TDRD5: variants seen among roughly 807,000 people sequenced by gnomAD.
The protein encoded by TDRD5 is tudor domain-containing protein 5.
TDRD5 carries 41 observed loss-of-function variants against 120.6 expected under a neutral mutation model. The ratio of observed to expected loss-of-function variants is 0.34; its 90% CI spans 0.26 to 0.44. The LOEUF is 0.44. TDRD5 is among the 20% of genes least tolerant of loss of function. The pLI is 1.00. For synonymous variants in TDRD5, 430 were observed against 433.7 expected, an observed-to-expected ratio of 0.99 and a Z score of 0.11; for missense variants, 1,006 against 1,221.2, an observed-to-expected ratio of 0.82 and a Z score of 2.63.
intron 17 of TDRD5, among the ~76,000 whole-genome samples, chr1:179,674,540 A>G (rs1232074125): frequency 6.6e-6 from 1 of 152,124 alleles, no homozygotes; most frequent in Non-Finnish European, 1.5e-5. Flanking sequence ...TTTTGGTATT[A>G]GGGTGATACT....
intron 4 of TDRD5, among the ~76,000 whole-genome samples, chr1:179,607,611 A>G (rs1209919388): frequency 6.6e-6 from 1 of 151,924 alleles, no homozygotes; most frequent in Non-Finnish European, 1.5e-5. Flanking sequence ...AACTTATCAC[A>G]ATTGACCTGC....
rs779603364 is a variant in TDRD5 at position 179,669,396 on chromosome 1, C to G, written c.2852C>G (p.Ser951Cys). 1 of 1,613,890 alleles carries G rather than the reference C, an allele frequency of 6.2e-7. No homozygotes were observed. Among genetic ancestry groups the G allele is most frequent in the African/African-American group, 1.3e-5 (1 of 74,930 alleles). Residue 951 changes from serine to cysteine, a missense_variant, in exon 17 of 18, where the codon TCT (serine) becomes TGT (cysteine). By Grantham distance (112) the Ser-to-Cys change is moderately radical. Transcript: ENST00000444136. ...GTGGATGATTCCGCAGAAAAGCCCT[C>G]TGGTTCTGGTATGTTTGTGTGTACT... Reference protein sequence around the residue: ...TAVDDSAEKPSGSVESSPEIL... With the variant: ...TAVDDSAEKPCGSVESSPEIL...
At position 179,669,382 on chromosome 1, in the gene TDRD5, C is replaced by G. The variant is rs780844485; in HGVS notation, c.2838C>G (p.Ser946=). The G allele has an allele frequency of 6.2e-7, 1 of 1,614,098 alleles. No homozygotes were observed. Among genetic ancestry groups the G allele is most frequent in the East Asian group, 2.2e-5 (1 of 44,866 alleles). Residue 946 remains serine, a synonymous_variant, in exon 17 of 18, where the codon TCC becomes TCG. Coordinates refer to ENST00000444136, the MANE Select transcript of TDRD5 (RefSeq NM_001199085.3). ...APCSTTAVDD[S]AEKPSGSVES... ...GTTCAACAACTGCAGTGGATGATTC[C>G]GCAGAAAAGCCCTCTGGTTCTGGTA...
At chr1:179,644,685 T>C (rs1269479252) in intron 11 of TDRD5, among the ~76,000 whole-genome samples, 1 of 152,158 alleles carries the variant, frequency 6.6e-6, no homozygotes, top group Admixed American at 6.5e-5. Context: ...TGTTGACATC[T>C]GTAGTGATAT....
intron 11 of TDRD5, among the ~76,000 whole-genome samples, chr1:179,641,268 G>A (rs758375030): frequency 2.0e-5 from 3 of 151,848 alleles, no homozygotes; most frequent in Non-Finnish European, 4.4e-5. Context: ...AAAAACTAAC[G>A]CCTGTAATCC....
intron 9 of TDRD5, among the ~76,000 whole-genome samples, chr1:179,636,411 C>CTG (rs1319013238): frequency 2.6e-5 from 4 of 152,206 alleles, no homozygotes; most frequent in African/African-American, 7.2e-5. Context: ...ATCCACTGGT[C>CTG]TGCCTCTACA....
At chr1:179,641,482 A>T (rs1278692532) in intron 11 of TDRD5, among the ~76,000 whole-genome samples, 3 of 151,992 alleles carry the variant, frequency 2.0e-5, no homozygotes, top group South Asian at 4.1e-4. Flanking sequence ...GTGAGCTGAG[A>T]TTGCGCCGCT....
intron 2 of TDRD5, 149 bp from the exon 3 acceptor site, chr1:179,593,311 A>G (rs769573444): frequency 2.1e-4 from 188 of 889,670 alleles, no homozygotes; most frequent in Middle Eastern, 3.5e-4. Flanking sequence ...CCAAAATGCA[A>G]GAAATCGAGG....
intron 17 of TDRD5, 54 bp downstream of exon 17, chr1:179,669,458 C>A: frequency 6.3e-7 from 1 of 1,596,480 alleles, no homozygotes; most frequent in South Asian, 1.1e-5. Flanking sequence ...GATGGTTTGC[C>A]ATGTTGCTAA....
intron 7 of TDRD5, among the ~76,000 whole-genome samples, chr1:179,631,209 G>A (rs980836415): frequency 1.3e-5 from 2 of 152,146 alleles, no homozygotes; most frequent in African/African-American, 4.8e-5. Flanking sequence ...GGCTAACACA[G>A]TGAAACCCCG....
At chr1:179,640,096 TCA>T in intron 10 of TDRD5, 45 bp downstream of exon 10, 1 of 1,596,190 alleles carries the variant, frequency 6.3e-7, no homozygotes, top group Non-Finnish European at 8.6e-7. Flanking sequence ...AAATTTTGAA[TCA>T]CAGTGTTGAA....
At chr1:179,627,440 A>G (rs4133262) in intron 6 of TDRD5, among the ~76,000 whole-genome samples, 13,683 of 152,230 alleles carry the variant, frequency 0.09, 682 homozygotes, top group Middle Eastern at 0.12. Context: ...GAAAGGGTGA[A>G]CATATGCAAA....
intron 5 of TDRD5, 81 bp from the exon 6 acceptor site, chr1:179,620,954 G>GT: frequency 8.8e-7 from 1 of 1,130,780 alleles, no homozygotes; most frequent in Non-Finnish European, 1.2e-6. Context: ...TGCCTTTGTT[G>GT]TTATTTGTTT....
intron 14 of TDRD5, among the ~76,000 whole-genome samples, chr1:179,655,201 C>T (rs1678934160): frequency 6.6e-6 from 1 of 152,014 alleles, no homozygotes; most frequent in African/African-American, 2.4e-5. Flanking sequence ...TGTGGATTTC[C>T]CACTGTGAAA....
chr1:179,597,680 A>C (rs1473370199), intron 4 of TDRD5, among the ~76,000 whole-genome samples: 1 of 151,984 alleles, frequency 6.6e-6, no homozygotes, highest in African/African-American at 2.4e-5. Flanking sequence ...TCGAAGTTAC[A>C]AGTTTTTCTC....
chr1:179,631,329 T>C (rs999276598), intron 7 of TDRD5, among the ~76,000 whole-genome samples: 10 of 152,192 alleles, frequency 6.6e-5, no homozygotes, highest in African/African-American at 2.4e-4. Flanking sequence ...GAGGCGGAGC[T>C]TGCCGGGAGC....
intron 11 of TDRD5, among the ~76,000 whole-genome samples, chr1:179,643,134 C>T (rs1364109561): frequency 6.6e-6 from 1 of 152,160 alleles, no homozygotes; most frequent in East Asian, 1.9e-4. Context: ...AAAAAATCAA[C>T]AGTTGGCATT....
intron 4 of TDRD5, among the ~76,000 whole-genome samples, chr1:179,608,606 G>A (rs1441860632): frequency 1.3e-5 from 2 of 151,780 alleles, no homozygotes; most frequent in Admixed American, 6.6e-5. Flanking sequence ...ATTCCACGTG[G>A]GTCTTTTTAA....
At chr1:179,594,322 T>C (rs1398503258) in intron 3 of TDRD5, among the ~76,000 whole-genome samples, 3 of 152,258 alleles carry the variant, frequency 2.0e-5, no homozygotes, top group Non-Finnish European at 2.9e-5. Context: ...TTGGTAACTT[T>C]TGTGGTGTAA....
Sources: gnomAD v4.1 joint callset for allele counts (sites outside exome capture counted in the v4.1 genomes callset) on GRCh38, gnomAD v4.1.1 for gene constraint, MANE v1.5 for transcripts, NCBI Gene and HGNC (gene_info 2026-07-23, HGNC 2026-07-21) for gene names.